The following B3GALT1 variants were observed in gnomAD, a reference collection of about 807,000 sequenced individuals.
B3GALT1 encodes beta-1,3-galactosyltransferase 1, also known as UDP-Gal:betaGlcNAc beta 1,3-galactosyltransferase, polypeptide 1.
In B3GALT1, 10 loss-of-function variants were observed where a neutral mutation model predicts 23.2. That is an observed-to-expected ratio of 0.43 (90% CI 0.27 to 0.73). B3GALT1 has a LOEUF of 0.73. Among genes scored for constraint, B3GALT1 ranks in the 30% least tolerant of loss-of-function variants. B3GALT1 has a pLI of 0.21. For missense variants in B3GALT1, 299 were observed against 405.4 expected (o/e 0.74, Z 2.25); for synonymous variants, 156 against 141.5 (o/e 1.10, Z -0.73).
intron 1 of B3GALT1, among the ~76,000 whole-genome samples, chr2:167,324,233 A>G (rs964868808): frequency 5.9e-5 from 9 of 152,096 alleles, no homozygotes; most frequent in African/African-American, 2.4e-5. Flanking sequence ...CAAAATTACC[A>G]TACATACAGT....
chr2:167,845,011 A>T (rs62195015), intron 4 of B3GALT1, among the ~76,000 whole-genome samples: 35,275 of 151,912 alleles, frequency 0.23, 4,840 homozygotes, highest in Non-Finnish European at 0.31. Flanking sequence ...CTCAGCAGAG[A>T]CAGCCATAAT....
rs191307289 is a variant in B3GALT1 at position 167,551,625 on chromosome 2, G to C, written c.-410+61348G>C. On this transcript the variant is annotated intron_variant, in intron 2 of 4. Coordinates refer to ENST00000392690, the MANE Select transcript of B3GALT1 (RefSeq NM_020981.4). ...TGCTCTCTAAGCAGTGCCCTCGGGG[G>C]TTGTCTGTATCCTCCTGGATGAGGG... is the stretch of plus-strand genomic sequence containing the variant. Among the ~76,000 whole-genome samples, 17 of 152,302 alleles carry C rather than the reference G, an allele frequency of 1.1e-4. No homozygotes were observed. The East Asian group carries it at 3.3e-3, about 29-fold the overall frequency.
At chr2:167,331,863 G>T (rs918071679) in intron 1 of B3GALT1, among the ~76,000 whole-genome samples, 1 of 152,166 alleles carries the variant, frequency 6.6e-6, no homozygotes, top group Non-Finnish European at 1.5e-5. Flanking sequence ...AGCCATAGGC[G>T]GGTGGCTTCC....
intron 1 of B3GALT1, among the ~76,000 whole-genome samples, chr2:167,304,506 C>G (rs1044021762): frequency 1.3e-5 from 2 of 152,086 alleles, no homozygotes; most frequent in Non-Finnish European, 2.9e-5. Context: ...ATCCCAGAAC[C>G]AATTCAGAAA....
chr2:167,439,463 T>A (rs1197913889), intron 1 of B3GALT1, among the ~76,000 whole-genome samples: 1 of 152,184 alleles, frequency 6.6e-6, no homozygotes, highest in Non-Finnish European at 1.5e-5. Context: ...ATGCATATAC[T>A]TTTCCCAGTC....
chr2:167,386,378 C>T (rs1011464405), intron 1 of B3GALT1, among the ~76,000 whole-genome samples: 6 of 151,852 alleles, frequency 4.0e-5, no homozygotes, highest in Non-Finnish European at 7.4e-5. Flanking sequence ...GGTGGGAAAT[C>T]CAATAGAAAA....
chr2:167,348,132 A>G (rs1697253922), intron 1 of B3GALT1, among the ~76,000 whole-genome samples: 1 of 152,206 alleles, frequency 6.6e-6, no homozygotes, highest in Non-Finnish European at 1.5e-5. Context: ...CAAATTGTGC[A>G]TAGCACCTGG....
At position 167,350,285 on chromosome 2, in the gene B3GALT1, A is replaced by G. The variant is rs116479189; in HGVS notation, c.-511+56951A>G. ...CATTTGAAGATGAAGATAATAGCAC[A>G]TAGCCTGCCTACCCTGTGTGTTACT... On this transcript the variant is annotated intron_variant, in intron 1 of 4. Transcript: ENST00000392690. Among the ~76,000 whole-genome samples the G allele has an allele frequency of 5.1e-3, 775 of 152,330 alleles. 4 individuals carry two copies. The highest frequency in any genetic ancestry group is 0.017 in the African/African-American group (718 of 41,580).
chr2:167,659,902 G>A (rs1003438005), intron 3 of B3GALT1, among the ~76,000 whole-genome samples: 2 of 151,988 alleles, frequency 1.3e-5, no homozygotes, highest in African/African-American at 4.8e-5. Context: ...TCACTGTGTA[G>A]TAGTGATTAT....
intron 2 of B3GALT1, among the ~76,000 whole-genome samples, chr2:167,620,200 C>A (rs13405109): frequency 0.032 from 4,836 of 152,078 alleles, 183 homozygotes; most frequent in African/African-American, 0.081. Context: ...TAAAAATGTA[C>A]AAAAGTGTGT....
chr2:167,559,397 G>A (rs1013907402), intron 2 of B3GALT1, among the ~76,000 whole-genome samples: 4 of 152,144 alleles, frequency 2.6e-5, no homozygotes, highest in East Asian at 1.9e-4. Context: ...AAAGCAGAGC[G>A]CCTCTCCTCC....
chr2:167,750,734 CA>C (rs527622209), intron 3 of B3GALT1, among the ~76,000 whole-genome samples: 6,655 of 58,512 alleles, frequency 0.11, 412 homozygotes, highest in African/African-American at 0.27. Context: ...GACTGTTGAG[CA>C]AAAAAAAAAA....
intron 1 of B3GALT1, among the ~76,000 whole-genome samples, chr2:167,470,095 A>G (rs896092631): frequency 2.6e-5 from 4 of 152,124 alleles, no homozygotes; most frequent in Non-Finnish European, 5.9e-5. Flanking sequence ...TGTGAGTTCT[A>G]GTACCAAGGG....
intron 2 of B3GALT1, among the ~76,000 whole-genome samples, chr2:167,491,532 G>A (rs532076728): frequency 8.0e-6 from 1 of 125,504 alleles, no homozygotes; most frequent in South Asian, 3.0e-4. Context: ...GTAGTTTTAT[G>A]GGCTGGGTGC....
chr2:167,356,467 TTCCC>T (rs1697405604), intron 1 of B3GALT1, among the ~76,000 whole-genome samples: 1 of 152,134 alleles, frequency 6.6e-6, no homozygotes, highest in Non-Finnish European at 1.5e-5. Flanking sequence ...TTTTGCTAAA[TTCCC>T]TCACTTGCTT....
intron 2 of B3GALT1, among the ~76,000 whole-genome samples, chr2:167,493,563 T>G (rs1699738984): frequency 6.6e-6 from 1 of 152,198 alleles, no homozygotes; most frequent in African/African-American, 2.4e-5. Flanking sequence ...ACAACTAACA[T>G]TCTTATGCAG....
At chr2:167,470,548 G>GT (rs1278930679) in intron 1 of B3GALT1, among the ~76,000 whole-genome samples, 2 of 151,990 alleles carry the variant, frequency 1.3e-5, no homozygotes, top group Non-Finnish European at 2.9e-5. Context: ...AGTCCTGTAT[G>GT]TTTTTTTCAA....
intron 4 of B3GALT1, among the ~76,000 whole-genome samples, chr2:167,841,039 G>C (rs984269611): frequency 1.9e-5 from 2 of 103,596 alleles, no homozygotes; most frequent in Non-Finnish European, 3.7e-5. Context: ...GTGGGGGGAG[G>C]GGGGAGGGAT....
intron 1 of B3GALT1, among the ~76,000 whole-genome samples, chr2:167,303,468 GGAGAATACCTCTGGAA>G (rs1215799847): frequency 5.3e-5 from 8 of 152,012 alleles, no homozygotes; most frequent in African/African-American, 1.9e-4. Context: ...GGTATGTCTG[GGAGAATACCTCTGGAA>G]GAGATTAGCA....
Sources: allele counts gnomAD v4.1 joint callset (sites outside exome capture counted in the v4.1 genomes callset), GRCh38; gene constraint gnomAD v4.1.1; transcripts MANE v1.5; gene names NCBI Gene and HGNC (gene_info 2026-07-23, HGNC 2026-07-21).